Variants in RNLS observed in about 807,000 individuals in gnomAD.
RNLS encodes the protein renalase.
RNLS carries 39 observed loss-of-function variants against 39.8 expected under a neutral mutation model. That is an observed-to-expected ratio of 0.98 (90% CI 0.76 to 1.28). The LOEUF is 1.28. Among genes scored for constraint, RNLS ranks in the 50% most tolerant of loss-of-function variants. The probability of loss-of-function intolerance (pLI) is 0.00; values close to 1 mark genes in which losing one functional copy is unlikely to be tolerated. For missense variants in RNLS, 410 were observed against 413.3 expected (o/e 0.99, Z 0.07); for synonymous variants, 147 against 150.7 (o/e 0.98, Z 0.18).
In RNLS at chr10:88,581,294, GTATATA is replaced by G. The variant is rs61477690; in HGVS notation, c.367+267_367+272del. On this transcript the variant is annotated intron_variant, in intron 3 of 6. Coordinates refer to ENST00000331772, the MANE Select transcript of RNLS (RefSeq NM_001031709.3). Reference sequence around the variant, plus strand: ...AATATATATGTATGTGTGTGTGTGTGTATATATATATATATATATATACATCTATAA... The same window carrying G: ...AATATATATGTATGTGTGTGTGTGTGTATATATATATATATACATCTATAA... Among the ~76,000 whole-genome samples, 28 of 129,860 alleles carry G rather than the reference GTATATA, an allele frequency of 2.2e-4. 2 individuals are homozygous for G. The highest frequency in any genetic ancestry group is 8.6e-3 in the Middle Eastern group (2 of 232). The allele number at this position is 129,860 out of a possible 152,430, so 85.2% of individuals were successfully genotyped here.
the RNLS span, among the ~76,000 whole-genome samples, chr10:88,252,269 T>G: frequency 6.6e-6 from 1 of 151,824 alleles, no homozygotes; most frequent in Non-Finnish European, 1.5e-5. Context: ...TTTGATAAAC[T>G]ATTTAGATTG....
At chr10:88,200,706 G>C in the RNLS span, among the ~76,000 whole-genome samples, 1 of 152,190 alleles carries the variant, frequency 6.6e-6, no homozygotes, top group African/African-American at 2.4e-5. Context: ...AACTGAGAAG[G>C]AACTAAAGGG....
At chr10:88,354,796 T>C (rs1849021319) in intron 5 of RNLS, among the ~76,000 whole-genome samples, 1 of 152,242 alleles carries the variant, frequency 6.6e-6, no homozygotes, top group South Asian at 2.1e-4. Context: ...CTGGATAACA[T>C]CCTGCAGAGT....
chr10:88,413,988 A>G (rs1853858787), intron 4 of RNLS, among the ~76,000 whole-genome samples: 1 of 152,202 alleles, frequency 6.6e-6, no homozygotes, highest in Non-Finnish European at 1.5e-5. Flanking sequence ...AATACATGGG[A>G]AACACTTTCT....
At chr10:88,292,843 A>G (rs1305514992) in intron 6 of RNLS, among the ~76,000 whole-genome samples, 2 of 151,876 alleles carry the variant, frequency 1.3e-5, no homozygotes, top group African/African-American at 4.8e-5. Context: ...GGAGATTGAG[A>G]CCATCCTGGC....
At chr10:88,299,137 C>T (rs1458330818) in intron 6 of RNLS, among the ~76,000 whole-genome samples, 1 of 152,032 alleles carries the variant, frequency 6.6e-6, no homozygotes, top group Admixed American at 6.6e-5. Flanking sequence ...TGTGAGAGTT[C>T]TTTGCATATT....
intron 4 of RNLS, among the ~76,000 whole-genome samples, chr10:88,571,965 T>G (rs918709894): frequency 1.3e-5 from 2 of 152,160 alleles, no homozygotes; most frequent in Admixed American, 6.5e-5. Flanking sequence ...CTGAGTTACA[T>G]CTCATCTGTG....
chr10:88,369,754 A>G (rs545739903), intron 4 of RNLS, among the ~76,000 whole-genome samples: 2 of 152,244 alleles, frequency 1.3e-5, no homozygotes, highest in South Asian at 4.1e-4. Context: ...ATCTTTGCTC[A>G]CTGCAACCTC....
At chr10:88,521,194 C>T (rs1846705470) in intron 4 of RNLS, among the ~76,000 whole-genome samples, 4 of 151,960 alleles carry the variant, frequency 2.6e-5, no homozygotes, top group Non-Finnish European at 5.9e-5. Context: ...GTGATTTCAT[C>T]AAGTCCTGTA....
intron 4 of RNLS, among the ~76,000 whole-genome samples, chr10:88,502,258 A>T (rs1845535118): frequency 1.4e-5 from 2 of 141,650 alleles, no homozygotes; most frequent in Admixed American, 1.5e-4. Context: ...TTTGATCCCC[A>T]ATGTGGCAGT....
rs191359598 is a variant in RNLS, at chr10:88,556,240, C to A, written c.526+16663G>T. Among the ~76,000 whole-genome samples, 378 of 152,268 alleles carry A rather than the reference C, an allele frequency of 2.5e-3. 2 individuals are homozygous for A. The highest frequency in any genetic ancestry group is 8.5e-3 in the African/African-American group (352 of 41,548). ...ATATCTATACATCAGCAAATCCTGGCAGCCATACTTTTGAAATCAAGTGTC... is the reference window on the plus strand; with the variant it reads ...ATATCTATACATCAGCAAATCCTGGAAGCCATACTTTTGAAATCAAGTGTC... On this transcript the variant is annotated intron_variant, in intron 4 of 6. Transcript: ENST00000331772.
At chr10:88,389,505 T>A (rs185013806) in intron 4 of RNLS, among the ~76,000 whole-genome samples, 1 of 152,252 alleles carries the variant, frequency 6.6e-6, no homozygotes, top group Non-Finnish European at 1.5e-5. Flanking sequence ...TGGTCAAAGG[T>A]ATTGCTGCTT....
chr10:88,487,582 T>C (rs897710741), intron 4 of RNLS, among the ~76,000 whole-genome samples: 2 of 152,118 alleles, frequency 1.3e-5, no homozygotes, highest in African/African-American at 2.4e-5. Context: ...TATCAGACTA[T>C]GTGTTGGCAG....
At position 88,440,364 on chromosome 10, in the gene RNLS, T is replaced by C. The variant is rs55936476; in HGVS notation, c.527-77639A>G. The stretch of plus-strand genomic sequence containing the variant: ...GCACTAGAGTAGTCACTGACTTCAA[T>C]TACCAGCAGTCTTCCCAGACATACA... On this transcript the variant is annotated intron_variant, in intron 4 of 6. Coordinates refer to ENST00000331772, the MANE Select transcript of RNLS (RefSeq NM_001031709.3). Among the ~76,000 whole-genome samples the C allele has an allele frequency of 4.6e-3, 706 of 152,312 alleles. 3 individuals are homozygous for C. Among genetic ancestry groups the C allele is most frequent in the Middle Eastern group, 0.034 (10 of 294 alleles).
chr10:88,396,670 A>T (rs1852574905), intron 4 of RNLS, among the ~76,000 whole-genome samples: 1 of 149,286 alleles, frequency 6.7e-6, no homozygotes, highest in Admixed American at 6.8e-5. Flanking sequence ...AAATTAATTA[A>T]ACGCTGATTT....
chr10:88,508,428 G>A (rs1204286415), intron 4 of RNLS, among the ~76,000 whole-genome samples: 3 of 152,118 alleles, frequency 2.0e-5, no homozygotes, highest in South Asian at 2.1e-4. Flanking sequence ...TGTATGATAA[G>A]GTCTTTGCTA....
the RNLS span, among the ~76,000 whole-genome samples, chr10:88,187,145 A>T: frequency 0.011 from 1,492 of 140,534 alleles, 49 homozygotes; most frequent in African/African-American, 0.038. Flanking sequence ...CTGCTCAAAA[A>T]ATATATATAT....
At chr10:88,237,532 C>T in the RNLS span, among the ~76,000 whole-genome samples, 1 of 152,208 alleles carries the variant, frequency 6.6e-6, no homozygotes, top group East Asian at 1.9e-4. Flanking sequence ...TATATACTTC[C>T]AATCTTATTT....
intron 6 of RNLS, among the ~76,000 whole-genome samples, chr10:88,287,144 T>C (rs56060315): frequency 6.6e-6 from 1 of 152,066 alleles, no homozygotes; most frequent in Non-Finnish European, 1.5e-5. Flanking sequence ...TATTTTTTAT[T>C]TATATGTTAT....
Sources: allele counts gnomAD v4.1 joint callset (sites outside exome capture counted in the v4.1 genomes callset), GRCh38; gene constraint gnomAD v4.1.1; transcripts MANE v1.5; gene names NCBI Gene and HGNC (gene_info 2026-07-23, HGNC 2026-07-21).